The following NCKAP5 variants were observed in gnomAD, a reference collection of about 807,000 sequenced individuals.
NCKAP5 encodes nck-associated protein 5.
Under a neutral mutation model 167.0 loss-of-function variants are expected in NCKAP5, and 92 were observed. The ratio of observed to expected loss-of-function variants is 0.55; its 90% confidence interval spans 0.47 to 0.66. The LOEUF (loss-of-function observed/expected upper bound fraction) is 0.66, where lower values mean the gene tolerates loss of function less well. NCKAP5 is among the 30% of genes least tolerant of loss of function. The pLI, the probability that NCKAP5 is intolerant of heterozygous loss-of-function variation, is 0.00. For synonymous variants in NCKAP5, 891 were observed against 877.4 expected (o/e 1.02, Z -0.27); for missense variants, 2,378 against 2,315.0 (o/e 1.03, Z -0.56).
chr2:133,140,003 C>T (rs2082938442), intron 5 of NCKAP5, among the ~76,000 whole-genome samples: 1 of 152,190 alleles, frequency 6.6e-6, no homozygotes, highest in African/African-American at 2.4e-5. Context: ...GCTCAATTCT[C>T]AGCTTGACTT....
At chr2:133,482,202 A>C (rs546673739) in intron 3 of NCKAP5, among the ~76,000 whole-genome samples, 3 of 151,804 alleles carry the variant, frequency 2.0e-5, no homozygotes, top group African/African-American at 7.3e-5. Flanking sequence ...TATATATATA[A>C]AATTTTCCTT....
In NCKAP5 at chr2:133,130,127, A is replaced by C; in HGVS notation, c.208-16T>G. ...GCTTCTCATGCTATAAAAGACACAAAGGGGATGACTTTTAGGAAGGTGTTT... is the reference window on the plus strand; with the variant it reads ...GCTTCTCATGCTATAAAAGACACAACGGGGATGACTTTTAGGAAGGTGTTT... On this transcript the variant is annotated splice_polypyrimidine_tract_variant and intron_variant, in intron 5 of 19. Coordinates refer to ENST00000409261, the MANE Select transcript of NCKAP5 (RefSeq NM_207363.3). 5 of 1,599,456 alleles carry C rather than the reference A, an allele frequency of 3.1e-6. No individual in the cohort carries two copies. The highest frequency in any genetic ancestry group is 4.3e-6 in the Non-Finnish European group (5 of 1,176,178).
intron 19 of NCKAP5, among the ~76,000 whole-genome samples, chr2:132,684,765 T>A (rs1685709248): frequency 6.6e-6 from 1 of 152,184 alleles, no homozygotes; most frequent in Admixed American, 6.5e-5. Context: ...ACTGTAGGGT[T>A]GGGCTGAGTC....
At chr2:132,809,164 T>C (rs1043959170) in intron 11 of NCKAP5, among the ~76,000 whole-genome samples, 1 of 152,164 alleles carries the variant, frequency 6.6e-6, no homozygotes, top group African/African-American at 2.4e-5. Context: ...CTTAAATTTA[T>C]TGAGACTCGT....
intron 4 of NCKAP5, among the ~76,000 whole-genome samples, chr2:133,240,550 C>A (rs963751354): frequency 1.3e-5 from 2 of 152,154 alleles, no homozygotes; most frequent in Non-Finnish European, 2.9e-5. Flanking sequence ...CTTGGGGATG[C>A]TTATTCAGTG....
intron 3 of NCKAP5, among the ~76,000 whole-genome samples, chr2:133,438,937 C>T (rs1690665122): frequency 6.6e-6 from 1 of 152,174 alleles, no homozygotes; most frequent in Non-Finnish European, 1.5e-5. Context: ...GTTGGTGGAT[C>T]AACACAGAAG....
chr2:133,150,802 C>T (rs2083360905), intron 5 of NCKAP5, among the ~76,000 whole-genome samples: 1 of 152,114 alleles, frequency 6.6e-6, no homozygotes, highest in East Asian at 1.9e-4. Context: ...ATACTAGCAG[C>T]ATTATTCATA....
intron 4 of NCKAP5, among the ~76,000 whole-genome samples, chr2:133,258,321 C>A (rs2088724168): frequency 6.6e-6 from 1 of 152,206 alleles, no homozygotes; most frequent in African/African-American, 2.4e-5. Flanking sequence ...ACCTCTGCAT[C>A]ATTTTCAGAT....
At chr2:133,337,741 C>G (rs868605938) in intron 3 of NCKAP5, among the ~76,000 whole-genome samples, 2 of 152,188 alleles carry the variant, frequency 1.3e-5, no homozygotes, top group African/African-American at 4.8e-5. Flanking sequence ...TGATCTCAAC[C>G]TTCTATCTTT....
chr2:133,558,704 CAAA>C (rs60051493), intron 2 of NCKAP5, among the ~76,000 whole-genome samples: 1 of 50,870 alleles, frequency 2.0e-5, no homozygotes, highest in South Asian at 1.2e-3. Context: ...ATGTGCTGAG[CAAA>C]AAAAAAAAAA....
chr2:133,444,401 TA>T (rs1559489518), intron 3 of NCKAP5, among the ~76,000 whole-genome samples: 1 of 123,250 alleles, frequency 8.1e-6, no homozygotes, highest in Non-Finnish European at 1.8e-5. Context: ...GATAGATAGA[TA>T]GATAGATATA....
chr2:133,553,877 C>T (rs1394191916), intron 2 of NCKAP5, among the ~76,000 whole-genome samples: 1 of 152,132 alleles, frequency 6.6e-6, no homozygotes, highest in Non-Finnish European at 1.5e-5. Flanking sequence ...TAGAATAATA[C>T]ACATTTATTA....
intron 4 of NCKAP5, among the ~76,000 whole-genome samples, chr2:133,258,973 G>C (rs115436113): frequency 0.011 from 1,723 of 152,246 alleles, 16 homozygotes; most frequent in Non-Finnish European, 0.017. Context: ...CTTGGGAAAT[G>C]CTGGCCCAAA....
intron 8 of NCKAP5, among the ~76,000 whole-genome samples, chr2:132,948,586 T>C (rs2076067666): frequency 6.6e-6 from 1 of 152,006 alleles, no homozygotes; most frequent in South Asian, 2.1e-4. Context: ...GAATGGCAAA[T>C]GGTAACAAGC....
At chr2:133,463,512 G>T (rs1692331712) in intron 3 of NCKAP5, among the ~76,000 whole-genome samples, 2 of 152,148 alleles carry the variant, frequency 1.3e-5, no homozygotes, top group South Asian at 4.1e-4. Context: ...AAATAGTTGG[G>T]AACAACTGCC....
chr2:133,217,480 T>A (rs1378527808), intron 4 of NCKAP5, among the ~76,000 whole-genome samples: 1 of 152,118 alleles, frequency 6.6e-6, no homozygotes, highest in African/African-American at 2.4e-5. Context: ...TTAAACACAT[T>A]GTCTCATATT....
At chr2:133,554,487 G>C (rs1160729937) in intron 2 of NCKAP5, 1 of 152,202 alleles carries the variant, frequency 6.6e-6, no homozygotes, top group African/African-American at 2.4e-5. Context: ...ATTTGGCTCT[G>C]AGCTTCCCAG....
upstream of NCKAP5, among the ~76,000 whole-genome samples, chr2:133,571,220 C>T (rs1688855704): frequency 6.6e-6 from 1 of 152,022 alleles, no homozygotes; most frequent in African/African-American, 2.4e-5. Flanking sequence ...TTATGGCCCA[C>T]ATATTATAGG....
At chr2:133,598,113 A>T in the NCKAP5 span, among the ~76,000 whole-genome samples, 1 of 152,210 alleles carries the variant, frequency 6.6e-6, no homozygotes, top group Non-Finnish European at 1.5e-5. Context: ...TGAGTTATTG[A>T]ACCTCTCTAT....
Sources: gnomAD v4.1 joint callset for allele counts (sites outside exome capture counted in the v4.1 genomes callset) on GRCh38, gnomAD v4.1.1 for gene constraint, MANE v1.5 for transcripts, NCBI Gene and HGNC (gene_info 2026-07-23, HGNC 2026-07-21) for gene names.